HDAC9: variants seen among roughly 807,000 people sequenced by gnomAD.
HDAC9 encodes histone deacetylase 9.
Under a neutral mutation model 139.4 loss-of-function variants are expected in HDAC9, and 41 were observed. The ratio of observed to expected loss-of-function variants is 0.29; its 90% CI spans 0.23 to 0.38. HDAC9 has a LOEUF of 0.38. Ranked by LOEUF, HDAC9 falls within the 10% of genes least tolerant of loss-of-function variation. HDAC9 has a pLI of 1.00. For missense variants in HDAC9, 1,147 were observed against 1,297.0 expected, an observed-to-expected ratio of 0.88 and a Z score of 1.78; for synonymous variants, 517 against 476.2, an observed-to-expected ratio of 1.09 and a Z score of -1.12.
Position 18,898,109 on chromosome 7 carries a change from GTGGAATTATTTC to G in HDAC9, c.2803+23515_2803+23526del, listed in dbSNP as rs548037301. Among the ~76,000 whole-genome samples, 37 of 151,896 alleles carry G rather than the reference GTGGAATTATTTC, an allele frequency of 2.4e-4. No homozygotes were observed. The South Asian group carries it at 4.4e-3, about 18-fold the overall frequency. ...AAAGCACCATTTTAGACATTTCTTG[GTGGAATTATTTC>G]TTAATGATTGAATCATTCATTGATT... On this transcript the variant is annotated intron_variant, in intron 22 of 25. Transcript: ENST00000686413.
intron 12 of HDAC9, among the ~76,000 whole-genome samples, chr7:18,696,387 A>G (rs1434256402): frequency 6.8e-6 from 1 of 147,356 alleles, no homozygotes; most frequent in Non-Finnish European, 1.5e-5. Flanking sequence ...ATAATAACAT[A>G]TTATACTATA....
chr7:18,805,705 A>G (rs764027581), intron 17 of HDAC9, among the ~76,000 whole-genome samples: 25 of 152,340 alleles, frequency 1.6e-4, no homozygotes, highest in Non-Finnish European at 2.9e-4. Flanking sequence ...GATACAGGTC[A>G]CTGACAGTGG....
At chr7:18,696,902 AT>A (rs771822795) in intron 12 of HDAC9, among the ~76,000 whole-genome samples, 2 of 151,828 alleles carry the variant, frequency 1.3e-5, no homozygotes, top group Non-Finnish European at 2.9e-5. Flanking sequence ...CAATCATCAC[AT>A]TCTCGGTGAG....
At chr7:18,294,724 A>G (rs1798028370) in intron 1 of HDAC9, among the ~76,000 whole-genome samples, 1 of 152,128 alleles carries the variant, frequency 6.6e-6, no homozygotes. Context: ...CATGACCTGA[A>G]TAATATTTTT....
At chr7:18,174,354 C>CT (rs1308823357) in intron 2 of HDAC9, among the ~76,000 whole-genome samples, 1 of 152,140 alleles carries the variant, frequency 6.6e-6, no homozygotes, top group African/African-American at 2.4e-5. Context: ...TTTGTCTAAT[C>CT]TTTTTTCATG....
At chr7:18,493,039 A>C (rs984500316), upstream of HDAC9, among the ~76,000 whole-genome samples, 9 of 152,106 alleles carry the variant, frequency 5.9e-5, no homozygotes, top group African/African-American at 1.9e-4. Flanking sequence ...GGTCAAAATG[A>C]AGAAGACACA....
At chr7:18,913,413 C>T (rs1009454241) in intron 22 of HDAC9, among the ~76,000 whole-genome samples, 2 of 152,066 alleles carry the variant, frequency 1.3e-5, no homozygotes, top group Non-Finnish European at 2.9e-5. Context: ...AGGAATCAGG[C>T]TACTTGACAT....
At chr7:18,598,328 C>T (rs958082976) in intron 6 of HDAC9, among the ~76,000 whole-genome samples, 2 of 152,084 alleles carry the variant, frequency 1.3e-5, no homozygotes, top group South Asian at 2.1e-4. Flanking sequence ...ATCTTGGTTA[C>T]ATTGTTTTGA....
chr7:18,317,117 A>G (rs1799708321), intron 1 of HDAC9, among the ~76,000 whole-genome samples: 1 of 146,638 alleles, frequency 6.8e-6, no homozygotes, highest in Non-Finnish European at 1.5e-5. Flanking sequence ...AAATAAATAA[A>G]TAAATAAATA....
intron 22 of HDAC9, among the ~76,000 whole-genome samples, chr7:18,903,209 A>AT (rs1211676935): frequency 1.3e-5 from 2 of 152,258 alleles, no homozygotes; most frequent in African/African-American, 4.8e-5. Flanking sequence ...ATAAACCTGC[A>AT]TTTGGGTCCT....
intron 1 of HDAC9, among the ~76,000 whole-genome samples, chr7:18,332,581 A>C (rs1801013639): frequency 6.6e-6 from 1 of 151,640 alleles, no homozygotes; most frequent in African/African-American, 2.4e-5. Context: ...GGGATTAAAA[A>C]AAATGTTTTG....
chr7:18,646,373 C>T (rs1052803740), intron 9 of HDAC9, among the ~76,000 whole-genome samples: 1 of 152,074 alleles, frequency 6.6e-6, no homozygotes, highest in African/African-American at 2.4e-5. Context: ...GATTTGGTAC[C>T]ATTGGATGAA....
chr7:18,469,423 T>C (rs1228470081), intron 1 of HDAC9, among the ~76,000 whole-genome samples: 1 of 152,146 alleles, frequency 6.6e-6, no homozygotes, highest in Non-Finnish European at 1.5e-5. Context: ...AAATACCAGA[T>C]CTAGTGTTAT....
At chr7:18,214,182 A>G (rs1318892995) in intron 2 of HDAC9, among the ~76,000 whole-genome samples, 2 of 152,106 alleles carry the variant, frequency 1.3e-5, no homozygotes, top group Non-Finnish European at 2.9e-5. Flanking sequence ...TTTTTATATT[A>G]ATAGAGTATA....
At chr7:18,893,637 A>G (rs772371291) in intron 22 of HDAC9, among the ~76,000 whole-genome samples, 18 of 152,198 alleles carry the variant, frequency 1.2e-4, no homozygotes, top group Non-Finnish European at 2.2e-4. Context: ...GAACATTTGC[A>G]TCGTCACTGA....
At chr7:18,731,918 G>T (rs1333809731) in intron 13 of HDAC9, among the ~76,000 whole-genome samples, 1 of 152,036 alleles carries the variant, frequency 6.6e-6, no homozygotes, top group Non-Finnish European at 1.5e-5. Context: ...GAGCCACCAG[G>T]CCCAGCCTTA....
chr7:18,924,072 C>T (rs1296369781), intron 22 of HDAC9, among the ~76,000 whole-genome samples: 2 of 150,654 alleles, frequency 1.3e-5, no homozygotes, highest in African/African-American at 4.9e-5. Context: ...AGGATCTTGG[C>T]CATGTTTGTA....
intron 2 of HDAC9, among the ~76,000 whole-genome samples, chr7:18,255,288 C>T (rs1420053598): frequency 6.6e-6 from 1 of 152,054 alleles, no homozygotes; most frequent in Non-Finnish European, 1.5e-5. Flanking sequence ...GGTCAGGAGA[C>T]AGATAAGTGG....
At chr7:18,788,223 G>C (rs1303598497) in intron 16 of HDAC9, among the ~76,000 whole-genome samples, 2 of 152,046 alleles carry the variant, frequency 1.3e-5, no homozygotes, top group Admixed American at 1.3e-4. Context: ...TGGTAATGGG[G>C]TTCCTCTGAA....
Sources: gnomAD v4.1 joint callset for allele counts (sites outside exome capture counted in the v4.1 genomes callset) on GRCh38, gnomAD v4.1.1 for gene constraint, MANE v1.5 for transcripts, NCBI Gene and HGNC (gene_info 2026-07-23, HGNC 2026-07-21) for gene names.